The following SLC10A7 variants were observed in gnomAD, a reference collection of about 807,000 sequenced individuals.
SLC10A7 encodes solute carrier family 10 member 7, also known as sodium/bile acid cotransporter 7.
SLC10A7 carries 29 observed loss-of-function variants against 43.2 expected under a neutral mutation model. That is an observed-to-expected ratio of 0.67 (90% CI 0.50 to 0.92). The LOEUF (loss-of-function observed/expected upper bound fraction) is 0.92, where lower values mean the gene tolerates loss of function less well. Among genes scored for constraint, SLC10A7 ranks in the 40% least tolerant of loss-of-function variants. The pLI is 0.00. For synonymous variants in SLC10A7, 152 were observed against 144.8 expected, an observed-to-expected ratio of 1.05 and a Z score of -0.35; for missense variants, 295 against 403.2, an observed-to-expected ratio of 0.73 and a Z score of 2.30.
chr4:146,478,597 A>G (rs2149980717), intron 4 of SLC10A7, among the ~76,000 whole-genome samples: 1 of 152,336 alleles, frequency 6.6e-6, no homozygotes, highest in South Asian at 2.1e-4. Context: ...GACTGATAAA[A>G]CAAAGATTTT....
chr4:146,494,192 C>A (rs959214812), intron 4 of SLC10A7, among the ~76,000 whole-genome samples: 1 of 152,188 alleles, frequency 6.6e-6, no homozygotes, highest in Non-Finnish European at 1.5e-5. Context: ...AATATTATTG[C>A]TCCTTGTATG....
At chr4:146,516,081 G>C (rs932190685) in intron 2 of SLC10A7, among the ~76,000 whole-genome samples, 2 of 151,958 alleles carry the variant, frequency 1.3e-5, no homozygotes, top group African/African-American at 4.8e-5. Flanking sequence ...ATAAATAAAG[G>C]TAAGACATGA....
Position 146,473,745 on chromosome 4 carries a change from A to AT in SLC10A7, c.396+30103dup, listed in dbSNP as rs901988269. ...AAAAATGAGTTTCTAGAAATCTTAC[A>AT]TTTTTTTTACTGGTATTTTAATAAA... On this transcript the variant is annotated intron_variant, in intron 4 of 11. Coordinates refer to ENST00000335472, the MANE Select transcript of SLC10A7 (RefSeq NM_001029998.6). Among the ~76,000 whole-genome samples, 28 of 151,666 alleles carry AT rather than the reference A, an allele frequency of 1.8e-4. No homozygotes were observed. In the South Asian group the frequency reaches 5.2e-3, roughly 28 times the overall value.
intron 5 of SLC10A7, among the ~76,000 whole-genome samples, chr4:146,348,545 A>G (rs1734789733): frequency 6.6e-6 from 1 of 152,222 alleles, no homozygotes. Flanking sequence ...TGCTTTAAGT[A>G]AAATGACTTT....
At chr4:146,445,960 T>G (rs771975775) in intron 4 of SLC10A7, among the ~76,000 whole-genome samples, 3 of 151,878 alleles carry the variant, frequency 2.0e-5, no homozygotes, top group Non-Finnish European at 2.9e-5. Context: ...GTCTGGGGTT[T>G]GCAGTTCTCA....
chr4:146,500,776 C>T (rs1333477933), intron 4 of SLC10A7, among the ~76,000 whole-genome samples: 1 of 152,170 alleles, frequency 6.6e-6, no homozygotes, highest in Non-Finnish European at 1.5e-5. Context: ...ACTTCTATCT[C>T]TAATTCTGCT....
chr4:146,506,393 T>A (rs1736899303), intron 3 of SLC10A7, among the ~76,000 whole-genome samples: 1 of 152,150 alleles, frequency 6.6e-6, no homozygotes. Context: ...AATGCAGAAA[T>A]ATAGATAACT....
At chr4:146,360,373 C>T (rs1735957227) in intron 5 of SLC10A7, among the ~76,000 whole-genome samples, 1 of 152,092 alleles carries the variant, frequency 6.6e-6, no homozygotes, top group South Asian at 2.1e-4. Flanking sequence ...TCTTTATAAG[C>T]TTGATCACAT....
At chr4:146,336,617 G>T (rs4103543) in intron 5 of SLC10A7, among the ~76,000 whole-genome samples, 77,025 of 151,774 alleles carry the variant, frequency 0.51, 19,834 homozygotes, top group East Asian at 0.62. Flanking sequence ...GATGTAATTT[G>T]TCTGGGCCAG....
intron 4 of SLC10A7, among the ~76,000 whole-genome samples, chr4:146,484,781 G>T (rs1421891419): frequency 6.6e-6 from 1 of 152,038 alleles, no homozygotes; most frequent in African/African-American, 2.4e-5. Context: ...AAAAGAGTGG[G>T]AGTTATTGAT....
At chr4:146,468,017 T>C (rs10012310) in intron 4 of SLC10A7, among the ~76,000 whole-genome samples, 124,334 of 152,152 alleles carry the variant, frequency 0.82, 51,462 homozygotes, top group African/African-American at 0.93. Context: ...TAATTTACCA[T>C]GTGAAACAGC....
chr4:146,325,819 T>C, intron 6 of SLC10A7, 142 bp downstream of exon 6: 1 of 739,564 alleles, frequency 1.4e-6, no homozygotes, highest in South Asian at 1.8e-5. Context: ...TGAATATTAT[T>C]ATGCGGTACA....
chr4:146,387,591 A>G (rs1738105884), intron 5 of SLC10A7, among the ~76,000 whole-genome samples: 1 of 152,204 alleles, frequency 6.6e-6, no homozygotes, highest in Non-Finnish European at 1.5e-5. Context: ...GCAATCAGGC[A>G]AGAGAAAGAA....
chr4:146,348,466 G>A lies in SLC10A7; in HGVS notation c.436-22470C>T, dbSNP rs112322943. On this transcript the variant is annotated intron_variant, in intron 5 of 11. Transcript: ENST00000335472. ...AGCTGGTGTGCTGTGTATTTAAAAC[G>A]TGTAAAAGAACTCCTGTTCTCTCTC... Among the ~76,000 whole-genome samples the A allele has an allele frequency of 9.3e-4, 142 of 152,216 alleles. 1 individual carries two copies. The highest frequency in any genetic ancestry group is 3.2e-3 in the African/African-American group (134 of 41,550).
intron 1 of SLC10A7, 120 bp downstream of exon 1, chr4:146,521,498 T>C: frequency 1.3e-6 from 1 of 759,922 alleles, no homozygotes; most frequent in Non-Finnish European, 2.2e-6. Flanking sequence ...GGCCAAAGGC[T>C]GGTCAGTGCC....
At chr4:146,488,721 G>A (rs934091980) in intron 4 of SLC10A7, among the ~76,000 whole-genome samples, 3 of 152,134 alleles carry the variant, frequency 2.0e-5, no homozygotes, top group Admixed American at 2.0e-4. Flanking sequence ...CAAGACTGTG[G>A]CTGTTAAAGC....
chr4:146,370,698 A>T (rs897557468), intron 5 of SLC10A7, among the ~76,000 whole-genome samples: 5 of 152,176 alleles, frequency 3.3e-5, no homozygotes, highest in Non-Finnish European at 5.9e-5. Flanking sequence ...CATAGAAGAA[A>T]ATTTGGCTCA....
At chr4:146,327,833 T>C (rs1425029046) in intron 5 of SLC10A7, among the ~76,000 whole-genome samples, 1 of 152,166 alleles carries the variant, frequency 6.6e-6, no homozygotes, top group Non-Finnish European at 1.5e-5. Context: ...CTAGCGCCCA[T>C]GTGCACCATT....
At chr4:146,383,735 A>G (rs1737800704) in intron 5 of SLC10A7, among the ~76,000 whole-genome samples, 1 of 152,176 alleles carries the variant, frequency 6.6e-6, no homozygotes, top group Admixed American at 6.6e-5. Context: ...CCTGAAGTTC[A>G]GAAAGGCTAA....
Sources: gnomAD v4.1 joint callset for allele counts (sites outside exome capture counted in the v4.1 genomes callset) on GRCh38, gnomAD v4.1.1 for gene constraint, MANE v1.5 for transcripts, NCBI Gene and HGNC (gene_info 2026-07-23, HGNC 2026-07-21) for gene names.